The following RBM20 variants were observed in gnomAD, a reference collection of about 807,000 sequenced individuals.
RBM20 encodes RNA binding motif protein 20, also known as RNA-binding protein 20.
Under a neutral mutation model 110.1 loss-of-function variants are expected in RBM20, and 51 were observed. The observed-to-expected ratio is 0.46, with a 90% CI of 0.37 to 0.59. The LOEUF is 0.59. Ranked by LOEUF, RBM20 falls within the 20% of genes least tolerant of loss-of-function variation. The probability of loss-of-function intolerance (pLI) is 0.00; values close to 1 mark genes in which losing one functional copy is unlikely to be tolerated. For synonymous variants in RBM20, 589 were observed against 618.2 expected (o/e 0.95, Z 0.70); for missense variants, 1,512 against 1,574.9 (o/e 0.96, Z 0.68).
At chr10:110,750,489 A>G (rs971413944) in intron 1 of RBM20, among the ~76,000 whole-genome samples, 1 of 152,222 alleles carries the variant, frequency 6.6e-6, no homozygotes, top group East Asian at 1.9e-4. Flanking sequence ...CTAGAGGAGC[A>G]GAGAAGGAAG....
At chr10:110,700,751 C>T (rs952902482) in intron 1 of RBM20, among the ~76,000 whole-genome samples, 3 of 152,132 alleles carry the variant, frequency 2.0e-5, no homozygotes, top group African/African-American at 7.2e-5. Flanking sequence ...CACGGTGGCT[C>T]ACCCCTGTCA....
chr10:110,746,608 T>G (rs1843784171), intron 1 of RBM20, among the ~76,000 whole-genome samples: 2 of 152,220 alleles, frequency 1.3e-5, no homozygotes, highest in Non-Finnish European at 1.5e-5. Flanking sequence ...CACCTGGAGA[T>G]GCCCTTCAAG....
intron 1 of RBM20, among the ~76,000 whole-genome samples, chr10:110,767,053 C>A (rs1441584348): frequency 2.9e-5 from 4 of 137,620 alleles, no homozygotes; most frequent in Non-Finnish European, 6.4e-5. Context: ...CCTCACCTCC[C>A]GGACGGGGCG....
At chr10:110,698,421 C>T (rs4918562) in intron 1 of RBM20, among the ~76,000 whole-genome samples, 25,842 of 152,178 alleles carry the variant, frequency 0.17, 2,471 homozygotes, top group East Asian at 0.32. Flanking sequence ...GAGTTGCCCT[C>T]GCTGGCAGGA....
rs1185948261 is a variant in RBM20 at position 110,774,366 on chromosome 10, A to G, written c.192-6435A>G. Among the ~76,000 whole-genome samples, 4 of 152,264 alleles carry G rather than the reference A, an allele frequency of 2.6e-5. No individual in the cohort carries two copies. In the South Asian group the frequency reaches 8.3e-4, roughly 31 times the overall value. ...GGCTAAGGCCCAAACACAGAATAGCAGCATTGACCCAGTAGTCTCGAAATT... is the reference window on the plus strand; with the variant it reads ...GGCTAAGGCCCAAACACAGAATAGCGGCATTGACCCAGTAGTCTCGAAATT... On this transcript the variant is annotated intron_variant, in intron 1 of 13. Transcript: ENST00000369519.
chr10:110,693,471 T>G (rs1862619047), intron 1 of RBM20, among the ~76,000 whole-genome samples: 1 of 152,236 alleles, frequency 6.6e-6, no homozygotes, highest in African/African-American at 2.4e-5. Flanking sequence ...TTTCTACTTC[T>G]TCATGGGTCA....
intron 11 of RBM20, among the ~76,000 whole-genome samples, chr10:110,823,088 G>A (rs1008337989): frequency 6.6e-6 from 1 of 151,716 alleles, no homozygotes; most frequent in Non-Finnish European, 1.5e-5. Context: ...GGCATTGCCT[G>A]TTTTGCTAGC....
At chr10:110,650,183 T>A (rs1218729004) in intron 1 of RBM20, among the ~76,000 whole-genome samples, 2 of 152,168 alleles carry the variant, frequency 1.3e-5, no homozygotes, top group African/African-American at 2.4e-5. Context: ...ATAACTTGTG[T>A]GTGTTTTGGA....
Position 110,836,304 on chromosome 10 carries a change from C to T in RBM20, c.*326C>T, listed in dbSNP as rs920175590. 1.7e-5 allele frequency: 3 copies of T among 175,752 alleles called. No homozygotes were observed. The South Asian group carries it at 5.3e-4, about 31-fold the overall frequency. The allele number at this position is 175,752 out of a possible 1,614,324, so 10.9% of individuals were successfully genotyped here. A position where few individuals can be genotyped will look rare whatever the true frequency, so the allele number is the denominator to read the frequency against. The stretch of plus-strand genomic sequence containing the variant: ...CCTCCTTATGTGCCAAGGATCGTTT[C>T]CTTTTCACAAAACCCAACTTCTCAG... On this transcript the variant is annotated 3_prime_UTR_variant, in exon 14 of 14. Coordinates refer to ENST00000369519, the MANE Select transcript of RBM20 (RefSeq NM_001134363.3).
chr10:110,809,265 A>T (rs981965470), intron 7 of RBM20, among the ~76,000 whole-genome samples: 1 of 144,990 alleles, frequency 6.9e-6, no homozygotes, highest in African/African-American at 2.5e-5. Context: ...CATAGAAAAA[A>T]TCAAGGAAAA....
chr10:110,679,317 C>T (rs527701044), intron 1 of RBM20, among the ~76,000 whole-genome samples: 9 of 152,186 alleles, frequency 5.9e-5, no homozygotes, highest in South Asian at 4.2e-4. Context: ...TTGAACGCCT[C>T]GGCTCAAGTG....
intron 8 of RBM20, among the ~76,000 whole-genome samples, chr10:110,810,825 G>A (rs769344513): frequency 1.7e-4 from 24 of 141,374 alleles, no homozygotes; most frequent in African/African-American, 2.3e-4. Context: ...GCGTGTGTGC[G>A]TGTGTGTGTG....
Position 110,797,643 on chromosome 10 carries a change from A to C in RBM20, c.1663A>C (p.Asn555His). Residue 555 changes from asparagine to histidine, a missense_variant, in exon 6 of 14, where the codon AAT becomes CAT. Asn to His is a moderately conservative substitution (Grantham distance 68). Transcript: ENST00000369519. ...TAATTACATCCTCATGAAGTCGACT[A>C]ATCAGGTAGGTCTGGGTACTTTCAC... ...VTNYILMKST[N>H]QAFLEMAYTE... The C allele has an allele frequency of 6.4e-7, 1 of 1,551,778 alleles. No individual in the cohort carries two copies. The highest frequency in any genetic ancestry group is 8.7e-7 in the Non-Finnish European group (1 of 1,146,962).
chr10:110,684,096 AC>A (rs1862462582), intron 1 of RBM20, among the ~76,000 whole-genome samples: 1 of 152,228 alleles, frequency 6.6e-6, no homozygotes, highest in African/African-American at 2.4e-5. Flanking sequence ...ACATTGACAG[AC>A]AAGAATTGTC....
At chr10:110,662,549 C>T (rs1862119541) in intron 1 of RBM20, among the ~76,000 whole-genome samples, 1 of 152,222 alleles carries the variant, frequency 6.6e-6, no homozygotes, top group Non-Finnish European at 1.5e-5. Flanking sequence ...GCATGTAAAA[C>T]ATATCACTTT....
chr10:110,817,693 G>A (rs1020961172), intron 9 of RBM20, among the ~76,000 whole-genome samples: 3 of 152,352 alleles, frequency 2.0e-5, no homozygotes, highest in South Asian at 2.1e-4. Context: ...GTGAGTGCCT[G>A]TGATAAATCT....
At chr10:110,725,713 G>C (rs1339153970) in intron 1 of RBM20, among the ~76,000 whole-genome samples, 1 of 152,260 alleles carries the variant, frequency 6.6e-6, no homozygotes, top group South Asian at 2.1e-4. Context: ...GCTTGGTTGT[G>C]TATTTCAGGG....
At chr10:110,723,448 G>A (rs1013177349) in intron 1 of RBM20, among the ~76,000 whole-genome samples, 1 of 152,158 alleles carries the variant, frequency 6.6e-6, no homozygotes, top group African/African-American at 2.4e-5. Context: ...ATGTAGGAGT[G>A]GAATTGCTGG....
chr10:110,801,825 G>A (rs562038146), intron 7 of RBM20, among the ~76,000 whole-genome samples: 18 of 151,692 alleles, frequency 1.2e-4, no homozygotes, highest in Admixed American at 2.0e-4. Context: ...GATTACAAGC[G>A]TGAACCACCG....
Sources: allele counts gnomAD v4.1 joint callset (sites outside exome capture counted in the v4.1 genomes callset), GRCh38; gene constraint gnomAD v4.1.1; transcripts MANE v1.5; gene names NCBI Gene and HGNC (gene_info 2026-07-23, HGNC 2026-07-21).